Variants in ITPR1 observed in about 807,000 individuals in gnomAD.
ITPR1 encodes the protein inositol 1,4,5-trisphosphate receptor type 1.
In ITPR1, 96 loss-of-function variants were observed where a neutral mutation model predicts 318.4. The ratio of observed to expected loss-of-function variants is 0.30; its 90% CI spans 0.26 to 0.36. The LOEUF is 0.36. Ranked by LOEUF, ITPR1 falls within the 10% of genes least tolerant of loss-of-function variation. The pLI is 1.00. For synonymous variants in ITPR1, 1,312 were observed against 1,289.9 expected (o/e 1.02, Z -0.37); for missense variants, 2,440 against 3,460.2 (o/e 0.71, Z 7.40).
At chr3:4,566,375 A>G (rs770161328) in intron 4 of ITPR1, among the ~76,000 whole-genome samples, 6 of 152,160 alleles carry the variant, frequency 3.9e-5, no homozygotes, top group Non-Finnish European at 5.9e-5. Context: ...TTGTTTTCCC[A>G]GAAGGTATTG....
intron 4 of ITPR1, among the ~76,000 whole-genome samples, chr3:4,576,645 A>C (rs937669906): frequency 6.6e-6 from 1 of 152,262 alleles, no homozygotes; most frequent in Non-Finnish European, 1.5e-5. Context: ...AAAACGGGTC[A>C]TGGCAATGGA....
intron 40 of ITPR1, among the ~76,000 whole-genome samples, chr3:4,720,176 G>A (rs1472471634): frequency 1.3e-5 from 2 of 152,206 alleles, no homozygotes; most frequent in Non-Finnish European, 2.9e-5. Context: ...ATACAGTGGT[G>A]CCCCAAATGG....
At chr3:4,776,261 G>A (rs913569968) in intron 47 of ITPR1, among the ~76,000 whole-genome samples, 2 of 152,110 alleles carry the variant, frequency 1.3e-5, no homozygotes, top group South Asian at 4.1e-4. Flanking sequence ...TAGTAGAGAT[G>A]GGGTTTCACC....
intron 60 of ITPR1, among the ~76,000 whole-genome samples, chr3:4,830,025 G>A (rs574226733): frequency 7.1e-6 from 1 of 141,150 alleles, no homozygotes; most frequent in East Asian, 2.1e-4. Context: ...CCAGGCTGGA[G>A]TGCATTGGCA....
chr3:4,614,499 A>G (rs539036195), intron 4 of ITPR1, among the ~76,000 whole-genome samples: 1 of 152,242 alleles, frequency 6.6e-6, no homozygotes, highest in African/African-American at 2.4e-5. Context: ...TGAGTTAGCT[A>G]TGTGGTTATT....
chr3:4,766,317 C>T (rs1368533849), intron 44 of ITPR1, among the ~76,000 whole-genome samples: 1 of 152,226 alleles, frequency 6.6e-6, no homozygotes, highest in Admixed American at 6.5e-5. Context: ...GTTGCAGCCA[C>T]AGCAATTTGT....
chr3:4,799,860 G>C (rs2048111974), intron 53 of ITPR1: 1 of 152,352 alleles, frequency 6.6e-6, no homozygotes, highest in Non-Finnish European at 1.5e-5. Flanking sequence ...ATCTGATTCA[G>C]GCAGGGGACC....
At chr3:4,522,828 A>G (rs77212440) in intron 4 of ITPR1, among the ~76,000 whole-genome samples, 5,824 of 152,272 alleles carry the variant, frequency 0.038, 149 homozygotes, top group Middle Eastern at 0.058. Flanking sequence ...CTCCCTAGGA[A>G]GAGATTGATA....
intron 4 of ITPR1, among the ~76,000 whole-genome samples, chr3:4,528,277 T>C (rs1190220876): frequency 2.6e-5 from 4 of 152,204 alleles, no homozygotes; most frequent in African/African-American, 4.8e-5. Context: ...TTAGAAGCCT[T>C]GTGCTGTCCA....
intron 5 of ITPR1, among the ~76,000 whole-genome samples, chr3:4,629,449 C>T (rs912173059): frequency 1.3e-5 from 2 of 152,152 alleles, no homozygotes; most frequent in Non-Finnish European, 2.9e-5. Context: ...CAGCACTGAT[C>T]AGGGTCTGCA....
At position 4,717,497 on chromosome 3, in the gene ITPR1, GTCGAGTA is replaced by G; in HGVS notation, c.5136+101_5136+107del. Reference sequence around the variant, plus strand: ...GTGATCCTTCCTCTAGTCTCACAGCGTCGAGTATCTGGCTTTGTGTGGTGTGCCCTCT... The same window carrying G: ...GTGATCCTTCCTCTAGTCTCACAGCGTCTGGCTTTGTGTGGTGTGCCCTCT... On this transcript the variant is annotated intron_variant, in intron 40 of 61. Coordinates refer to ENST00000649015, the MANE Select transcript of ITPR1 (RefSeq NM_001378452.1). 3 of 975,820 alleles carry G rather than the reference GTCGAGTA, an allele frequency of 3.1e-6. No homozygotes were observed. In the South Asian group the frequency reaches 3.8e-5, roughly 13 times the overall value. 60.4% of individuals were successfully genotyped at this position (975,820 alleles called of 1,614,324 possible). A position where few individuals can be genotyped will look rare whatever the true frequency, so the allele number is the denominator to read the frequency against.
chr3:4,662,044 C>G (rs1314114225), intron 14 of ITPR1, 38 bp from the exon 15 acceptor site: 2 of 1,580,476 alleles, frequency 1.3e-6, no homozygotes, highest in Admixed American at 1.7e-5. Context: ...TCCTTCCCAT[C>G]CAAGAGATTA....
chr3:4,558,337 A>G (rs761593310), intron 4 of ITPR1, among the ~76,000 whole-genome samples: 1 of 152,264 alleles, frequency 6.6e-6, no homozygotes, highest in African/African-American at 2.4e-5. Flanking sequence ...AAATGTATTC[A>G]TATTACATTA....
At chr3:4,762,109 C>T (rs189488031) in intron 44 of ITPR1, among the ~76,000 whole-genome samples, 4 of 152,360 alleles carry the variant, frequency 2.6e-5, no homozygotes, top group South Asian at 2.1e-4. Context: ...TCTACTCTTG[C>T]AATAGATACC....
At chr3:4,571,092 G>A (rs1056833582) in intron 4 of ITPR1, among the ~76,000 whole-genome samples, 1 of 152,124 alleles carries the variant, frequency 6.6e-6, no homozygotes, top group Non-Finnish European at 1.5e-5. Context: ...AGTCCGTGAA[G>A]CCTTTGTTTG....
At chr3:4,811,240 A>C (rs2048925420) in intron 55 of ITPR1, 25 bp from the exon 56 acceptor site, 1 of 1,501,274 alleles carries the variant, frequency 6.7e-7, no homozygotes, top group Non-Finnish European at 8.9e-7. Flanking sequence ...AGGCTTCTTA[A>C]AATTCTTTTT....
intron 4 of ITPR1, among the ~76,000 whole-genome samples, chr3:4,619,582 CTTCCCCTGCCCTCCCCTGCTCTCCTCT>C (rs2092521474): frequency 2.4e-4 from 26 of 108,846 alleles, no homozygotes; most frequent in African/African-American, 1.0e-3. Context: ...CCCCTTCCCC[CTTCCCCTGCCCTCCCCTGCTCTCCTCT>C]GCCCTCCCCT....
chr3:4,734,903 C>G (rs1465096723), intron 43 of ITPR1, among the ~76,000 whole-genome samples: 1 of 152,206 alleles, frequency 6.6e-6, no homozygotes, highest in Non-Finnish European at 1.5e-5. Context: ...AGGTCCCTTG[C>G]TGGAAATGTA....
chr3:4,642,221 A>G lies in ITPR1; in HGVS notation c.495A>G (p.Pro165=), dbSNP rs557256951. Residue 165 remains proline, a synonymous_variant, in exon 7 of 62, where the codon CCA becomes CCG. Transcript: ENST00000649015. Reference sequence around the variant, plus strand: ...AAGGGTCCTGGTTTTATATTCAGCCATTCTACAAGCTGCGATCCATTGGAG... The same window carrying G: ...AAGGGTCCTGGTTTTATATTCAGCCGTTCTACAAGCTGCGATCCATTGGAG... ...GNEGSWFYIQ[P]FYKLRSIGDS... 2.5e-6 allele frequency: 4 copies of G among 1,587,378 alleles called. No individual in the cohort carries two copies. Among genetic ancestry groups the G allele is most frequent in the East Asian group, 2.2e-5 (1 of 44,494 alleles).
Sources: allele counts gnomAD v4.1 joint callset (sites outside exome capture counted in the v4.1 genomes callset), GRCh38; gene constraint gnomAD v4.1.1; transcripts MANE v1.5; gene names NCBI Gene and HGNC (gene_info 2026-07-23, HGNC 2026-07-21).